Variants in SYK observed in about 807,000 individuals in gnomAD.
SYK encodes the protein tyrosine-protein kinase SYK.
Under a neutral mutation model 77.8 loss-of-function variants are expected in SYK, and 16 were observed. The ratio of observed to expected loss-of-function variants is 0.21; its 90% CI spans 0.14 to 0.31. SYK has a LOEUF of 0.31. Ranked by LOEUF, SYK falls within the 10% of genes least tolerant of loss-of-function variation. The pLI, the probability that SYK is intolerant of heterozygous loss-of-function variation, is 1.00. For synonymous variants in SYK, 312 were observed against 308.7 expected (o/e 1.01, Z -0.11); for missense variants, 529 against 814.4 (o/e 0.65, Z 4.26).
In SYK at chr9:90,844,066, C is replaced by T. The variant is rs770281428; in HGVS notation, c.168C>T (p.Ala56=). The change falls in exon 2 of 14, where the codon GCC becomes GCT. Residue 56 remains alanine (A), a synonymous_variant. Transcript: ENST00000375754. ...NYLGGFALSV[A]HGRKAHHYTI... ...TGGGTGGCTTCGCCCTGTCCGTGGC[C>T]CACGGGAGGAAGGCACACCACTACA... 6 of 1,612,336 alleles carry T rather than the reference C, an allele frequency of 3.7e-6. No homozygotes were observed. Among genetic ancestry groups the T allele is most frequent in the Non-Finnish European group, 5.1e-6 (6 of 1,179,128 alleles).
At chr9:90,855,692 G>A (rs1456188930) in intron 3 of SYK, among the ~76,000 whole-genome samples, 2 of 150,496 alleles carry the variant, frequency 1.3e-5, no homozygotes, top group African/African-American at 5.0e-5. Context: ...GTGTGTGGGT[G>A]TGTGTGAGAG....
chr9:90,867,092 G>C, intron 6 of SYK, 39 bp from the exon 7 acceptor site: 1 of 1,611,362 alleles, frequency 6.2e-7, no homozygotes, highest in South Asian at 1.1e-5. Flanking sequence ...TTTGTTTTCT[G>C]AAACATTTAC....
intron 3 of SYK, among the ~76,000 whole-genome samples, chr9:90,848,788 G>T (rs1287605037): frequency 1.3e-5 from 2 of 152,224 alleles, no homozygotes; most frequent in Non-Finnish European, 2.9e-5. Context: ...CTGCATTTCA[G>T]TGGGAGAAAA....
intron 3 of SYK, among the ~76,000 whole-genome samples, chr9:90,861,238 G>C (rs879726780): frequency 5.3e-5 from 8 of 152,102 alleles, no homozygotes; most frequent in Non-Finnish European, 1.2e-4. Flanking sequence ...AGCCTTACGT[G>C]GCATGCACTG....
chr9:90,872,240 G>A (rs930576841), intron 7 of SYK, among the ~76,000 whole-genome samples: 1 of 152,178 alleles, frequency 6.6e-6, no homozygotes, highest in Non-Finnish European at 1.5e-5. Context: ...GCAACCCCAG[G>A]ATAATGTCCT....
At position 90,844,121 on chromosome 9, in the gene SYK, G is replaced by T; in HGVS notation, c.223G>T (p.Ala75Ser). 6.2e-7 allele frequency: 1 copy of T among 1,613,780 alleles called. No individual in the cohort carries two copies. The highest frequency in any genetic ancestry group is 8.5e-7 in the Non-Finnish European group (1 of 1,179,846). The part of the protein sequence containing the change: ...TIERELNGTY[A>S]IAGGRTHASP... ...CGAGCGGGAGCTGAATGGCACCTAC[G>T]CCATCGCCGGTGGCAGGACCCATGC... Residue 75 changes from alanine to serine, a missense_variant, in exon 2 of 14, where the codon GCC becomes TCC. Coordinates refer to ENST00000375754, the MANE Select transcript of SYK (RefSeq NM_003177.7).
intron 1 of SYK, among the ~76,000 whole-genome samples, chr9:90,831,027 A>T (rs114196963): frequency 1.3e-5 from 2 of 152,188 alleles, no homozygotes; most frequent in African/African-American, 2.4e-5. Flanking sequence ...GTGTGGTTTG[A>T]GCGTGATAAG....
intron 3 of SYK, among the ~76,000 whole-genome samples, chr9:90,847,022 G>A (rs1233785054): frequency 6.6e-6 from 1 of 152,216 alleles, no homozygotes; most frequent in East Asian, 1.9e-4. Flanking sequence ...TAGCCTCTTT[G>A]GCCACGAAGC....
intron 13 of SYK, among the ~76,000 whole-genome samples, chr9:90,890,135 G>T (rs1420295257): frequency 6.6e-6 from 1 of 152,232 alleles, no homozygotes; most frequent in Non-Finnish European, 1.5e-5. Context: ...TCTTTGTGGT[G>T]TGTGTTTAAC....
At chr9:90,829,310 A>G (rs1414705889) in intron 1 of SYK, among the ~76,000 whole-genome samples, 1 of 150,590 alleles carries the variant, frequency 6.6e-6, no homozygotes, top group African/African-American at 2.4e-5. Context: ...AAAATCACCT[A>G]GGAAGCTGTT....
intron 3 of SYK, among the ~76,000 whole-genome samples, chr9:90,856,125 T>G (rs1827028348): frequency 6.6e-6 from 1 of 152,234 alleles, no homozygotes; most frequent in Non-Finnish European, 1.5e-5. Context: ...GCCCTGCCAC[T>G]TAATAGCTCT....
intron 1 of SYK, among the ~76,000 whole-genome samples, chr9:90,823,665 A>C (rs995956041): frequency 2.8e-4 from 43 of 152,210 alleles, no homozygotes; most frequent in African/African-American, 1.0e-3. Context: ...TCCAAGAAGA[A>C]GTCTCCAAAA....
chr9:90,870,109 A>C (rs1007427035), intron 7 of SYK, among the ~76,000 whole-genome samples: 1 of 152,228 alleles, frequency 6.6e-6, no homozygotes, highest in Non-Finnish European at 1.5e-5. Flanking sequence ...TCAAAAACAA[A>C]AAAAGAAAAG....
chr9:90,843,304 C>T (rs1217055345), intron 1 of SYK, among the ~76,000 whole-genome samples: 1 of 152,220 alleles, frequency 6.6e-6, no homozygotes, highest in East Asian at 1.9e-4. Flanking sequence ...CGTGGCCTCA[C>T]TTCACCTCTG....
Position 90,896,299 on chromosome 9 carries a change from G to A in SYK, c.*699G>A. 1 of 233,100 alleles carries A rather than the reference G, an allele frequency of 4.3e-6. No homozygotes were observed. Among genetic ancestry groups the A allele is most frequent in the Non-Finnish European group, 8.5e-6 (1 of 117,994 alleles). 14.4% of individuals were successfully genotyped at this position (233,100 alleles called of 1,614,324 possible). A position where few individuals can be genotyped will look rare whatever the true frequency, so the allele number is the denominator to read the frequency against. On this transcript the variant is annotated 3_prime_UTR_variant, in exon 14 of 14. Coordinates refer to ENST00000375754, the MANE Select transcript of SYK (RefSeq NM_003177.7). The stretch of plus-strand genomic sequence containing the variant: ...TAAAAGGGGACCATGAGAATGAATT[G>A]GCTTGGCTTACTTTCCCCCTGAAAT...
chr9:90,807,940 T>A (rs575799622), intron 1 of SYK, among the ~76,000 whole-genome samples: 6 of 152,358 alleles, frequency 3.9e-5, no homozygotes, highest in Admixed American at 3.9e-4. Context: ...GGGCTGTGTA[T>A]GTCTTCTTAA....
chr9:90,849,046 G>A (rs540125986), intron 3 of SYK, among the ~76,000 whole-genome samples: 1 of 152,338 alleles, frequency 6.6e-6, no homozygotes, highest in Admixed American at 6.5e-5. Context: ...CAGAGAGTGA[G>A]TGGAGAAGGG....
At chr9:90,892,087 A>T (rs952279007) in intron 13 of SYK, among the ~76,000 whole-genome samples, 4 of 152,238 alleles carry the variant, frequency 2.6e-5, no homozygotes, top group Middle Eastern at 3.2e-3. Flanking sequence ...CTAGTTTTAC[A>T]TGTTTATGGG....
rs1587878599 is a variant in SYK at position 90,862,265 on chromosome 9, T to G, written c.638T>G (p.Val213Gly). 6.2e-7 allele frequency: 1 copy of G among 1,614,062 alleles called. No homozygotes were observed. The highest frequency in any genetic ancestry group is 1.7e-5 in the Admixed American group (1 of 59,992). Residue 213 changes from valine to glycine, a missense_variant, in exon 4 of 14, where the codon GTG (valine) becomes GGG (glycine). By Grantham distance (109) the Val-to-Gly change is moderately radical. Transcript: ENST00000375754. ...CTGTGCCTGCTGCACGAAGGGAAGGTGCTGCACTATCGCATCGACAAAGAC... is the reference window on the plus strand; with the variant it reads ...CTGTGCCTGCTGCACGAAGGGAAGGGGCTGCACTATCGCATCGACAAAGAC... The part of the protein sequence containing the change: ...YALCLLHEGK[V>G]LHYRIDKDKT...
Sources: gnomAD v4.1 joint callset for allele counts (sites outside exome capture counted in the v4.1 genomes callset) on GRCh38, gnomAD v4.1.1 for gene constraint, MANE v1.5 for transcripts, NCBI Gene and HGNC (gene_info 2026-07-23, HGNC 2026-07-21) for gene names.